The following RPRD2 variants were observed in gnomAD, a reference collection of about 807,000 sequenced individuals.
RPRD2 encodes regulation of nuclear pre-mRNA domain-containing protein 2.
A neutral mutation model predicts 104.4 loss-of-function variants in RPRD2; 12 were observed. The observed-to-expected ratio is 0.11, with a 90% confidence interval of 0.07 to 0.19. The LOEUF (loss-of-function observed/expected upper bound fraction) is 0.19. Ranked by LOEUF, RPRD2 falls within the 10% of genes least tolerant of loss-of-function variation. RPRD2 has a pLI of 1.00. For missense variants in RPRD2, 1,543 were observed against 1,790.1 expected (o/e 0.86, Z 2.49); for synonymous variants, 714 against 684.9 (o/e 1.04, Z -0.66).
intron 1 of RPRD2, among the ~76,000 whole-genome samples, chr1:150,414,541 A>G (rs1351526187): frequency 2.6e-5 from 4 of 152,150 alleles, no homozygotes; most frequent in African/African-American, 7.2e-5. Flanking sequence ...CTACCTATAC[A>G]TGATTCTAGA....
intron 2 of RPRD2, among the ~76,000 whole-genome samples, chr1:150,432,576 G>A (rs2102326221): frequency 6.7e-6 from 1 of 148,846 alleles, no homozygotes; most frequent in South Asian, 2.1e-4. Context: ...ACATTTAATG[G>A]CTGAAATGGC....
At position 150,460,235 on chromosome 1, in the gene RPRD2, G is replaced by A; in HGVS notation, c.1329G>A (p.Leu443=). The stretch of plus-strand genomic sequence containing the variant: ...CTTCTCTTTCCCCTTCCCCAGCATT[G>A]GCTTTGCCAAACCTGGCTAATGTGG... ...VNTSLSPSPA[L]ALPNLANVDL... Residue 443 remains leucine (L), a synonymous_variant, in exon 9 of 11, where the codon TTG becomes TTA. Coordinates refer to ENST00000369068, the MANE Select transcript of RPRD2 (RefSeq NM_015203.5). The A allele has an allele frequency of 6.2e-7, 1 of 1,613,672 alleles. No individual in the cohort carries two copies. Among genetic ancestry groups the A allele is most frequent in the Non-Finnish European group, 8.5e-7 (1 of 1,179,788 alleles).
At chr1:150,367,303 C>T (rs1246991797) in intron 1 of RPRD2, among the ~76,000 whole-genome samples, 1 of 152,124 alleles carries the variant, frequency 6.6e-6, no homozygotes, top group Non-Finnish European at 1.5e-5. Context: ...ACAGTTTATG[C>T]ATGGGCCTTG....
At chr1:150,410,641 ACTT>A (rs1399923174) in intron 1 of RPRD2, among the ~76,000 whole-genome samples, 1 of 151,914 alleles carries the variant, frequency 6.6e-6, no homozygotes, top group African/African-American at 2.4e-5. Context: ...GCACACACAC[ACTT>A]TTTTTTTCTG....
chr1:150,445,130 CTCA>C (rs1666673161), intron 6 of RPRD2, among the ~76,000 whole-genome samples: 1 of 152,116 alleles, frequency 6.6e-6, no homozygotes. Flanking sequence ...GTAGTGAACT[CTCA>C]TCATGTCACT....
intron 2 of RPRD2, among the ~76,000 whole-genome samples, chr1:150,430,048 T>G (rs1466262231): frequency 6.6e-6 from 1 of 152,212 alleles, no homozygotes; most frequent in Admixed American, 6.5e-5. Context: ...ATTTTCTGTT[T>G]AGGCCACAAG....
At chr1:150,382,226 C>T (rs1661190335) in intron 1 of RPRD2, among the ~76,000 whole-genome samples, 1 of 73,504 alleles carries the variant, frequency 1.4e-5, no homozygotes, top group Admixed American at 1.3e-4. Flanking sequence ...TGAGCCCTTT[C>T]TTATTAATAT....
chr1:150,364,778 G>T lies in RPRD2; in HGVS notation c.64G>T (p.Ala22Ser). Residue 22 changes from alanine (A) to serine (S), a missense_variant, in exon 1 of 11, where the codon GCT becomes TCT. This residue lies in a region of RPRD2 where 88 missense variants were observed against 96.6 expected (regional missense o/e 0.91). Transcript: ENST00000369068. Reference protein sequence around the residue: ...ASSSSASSAGALESSLDRKFQ... With the variant: ...ASSSSASSAGSLESSLDRKFQ... ...CTCCTCGTCGGCCTCTTCGGCAGGG[G>T]CTCTGGAGTCCTCGTTGGATCGAAA... 2.5e-6 allele frequency: 4 copies of T among 1,611,692 alleles called. No homozygotes were observed. The highest frequency in any genetic ancestry group is 3.4e-6 in the Non-Finnish European group (4 of 1,178,862).
At chr1:150,413,404 C>T (rs902299169) in intron 1 of RPRD2, among the ~76,000 whole-genome samples, 2 of 152,020 alleles carry the variant, frequency 1.3e-5, no homozygotes, top group Non-Finnish European at 2.9e-5. Flanking sequence ...AGTTTGAGAC[C>T]AGGCTGGCCA....
chr1:150,409,817 G>A (rs1663767704), intron 1 of RPRD2, among the ~76,000 whole-genome samples: 2 of 152,024 alleles, frequency 1.3e-5, no homozygotes, highest in East Asian at 3.9e-4. Context: ...GCTAATTTTT[G>A]TATTTTTAGT....
At chr1:150,431,483 T>TGTTTGTTTG (rs1239350090) in intron 2 of RPRD2, among the ~76,000 whole-genome samples, 1 of 141,308 alleles carries the variant, frequency 7.1e-6, no homozygotes, top group African/African-American at 2.6e-5. Context: ...ATTTTTTTTT[T>TGTTTGTTTG]TTTTTTTTTT....
At chr1:150,417,476 A>G (rs895723760) in intron 1 of RPRD2, 120 bp from the exon 2 acceptor site, 21 of 712,510 alleles carry the variant, frequency 2.9e-5, no homozygotes, top group Non-Finnish European at 3.4e-5. Context: ...TCATCTTTTT[A>G]TATCCATGTA....
chr1:150,464,670 G>C lies in RPRD2; in HGVS notation c.1555G>C (p.Glu519Gln), dbSNP rs782509575. ...CCTCTCCAAGGTGGAGATCACCCCA[G>C]AGAGCATTCTGTCTGCACTTTCCAA... Reference protein sequence around the residue: ...NILSKVEITPESILSALSKTQ... With the variant: ...NILSKVEITPQSILSALSKTQ... Residue 519 changes from glutamate to glutamine, a missense_variant, in exon 10 of 11, where the codon GAG becomes CAG. Around this residue, in one of 4 missense-constraint regions of RPRD2, gnomAD observed 572 missense variants for 787.3 expected, o/e 0.73. Transcript: ENST00000369068. The C allele has an allele frequency of 6.2e-7, 1 of 1,613,084 alleles. No homozygotes were observed. Among genetic ancestry groups the C allele is most frequent in the Admixed American group, 1.7e-5 (1 of 59,874 alleles).
chr1:150,400,894 G>A (rs1359776142), intron 1 of RPRD2, among the ~76,000 whole-genome samples: 1 of 151,312 alleles, frequency 6.6e-6, no homozygotes, highest in Non-Finnish European at 1.5e-5. Flanking sequence ...TTAAAAAAAA[G>A]AGGGCTGGGC....
chr1:150,404,798 A>G (rs922429738), intron 1 of RPRD2, among the ~76,000 whole-genome samples: 1 of 152,206 alleles, frequency 6.6e-6, no homozygotes, highest in African/African-American at 2.4e-5. Context: ...AAATCTGTAT[A>G]ACTTACATTC....
intron 2 of RPRD2, among the ~76,000 whole-genome samples, chr1:150,435,843 G>A (rs1368447016): frequency 6.6e-6 from 1 of 152,222 alleles, no homozygotes; most frequent in Non-Finnish European, 1.5e-5. Context: ...ACAGCCTTCT[G>A]TTGGAAGATG....
chr1:150,387,567 C>CTTTTTTTTTTTTTTTTTTTT lies in RPRD2; in HGVS notation c.205+22670_205+22689dup, dbSNP rs562476167. On this transcript the variant is annotated intron_variant, in intron 1 of 10. Transcript: ENST00000369068. ...AAATCTTACAGAAGTTGCAACAGAC[C>CTTTTTTTTTTTTTTTTTTTT]TTTTTTTTTTTTTTTTTTTTTTTTT... Among the ~76,000 whole-genome samples the CTTTTTTTTTTTTTTTTTTTT allele has an allele frequency of 2.2e-4, 16 of 73,798 alleles. 4 individuals are homozygous for CTTTTTTTTTTTTTTTTTTTT. Among genetic ancestry groups the CTTTTTTTTTTTTTTTTTTTT allele is most frequent in the Non-Finnish European group, 3.5e-4 (14 of 40,550 alleles). The allele number at this position is 73,798 out of a possible 152,430, so 48.4% of individuals were successfully genotyped here.
intron 1 of RPRD2, among the ~76,000 whole-genome samples, chr1:150,400,601 T>C (rs1260391): frequency 0.6 from 91,160 of 151,938 alleles, 27,881 homozygotes; most frequent in African/African-American, 0.65. Flanking sequence ...GGGGTTAATG[T>C]TCGCTCACCC....
chr1:150,465,850 G>A (rs1668229008), intron 10 of RPRD2, among the ~76,000 whole-genome samples: 1 of 148,156 alleles, frequency 6.7e-6, no homozygotes. Flanking sequence ...CCTAAGGTCA[G>A]CAGTTCAAGA....
Sources: gnomAD v4.1 joint callset for allele counts (sites outside exome capture counted in the v4.1 genomes callset) on GRCh38, gnomAD v4.1.1 for gene constraint, gnomAD v4.1.1 regional missense constraint, MANE v1.5 for transcripts, NCBI Gene and HGNC (gene_info 2026-07-23, HGNC 2026-07-21) for gene names.